The following PRICKLE1 variants were observed in gnomAD, a reference collection of about 807,000 sequenced individuals.
The protein encoded by PRICKLE1 is prickle-like protein 1.
PRICKLE1 carries 14 observed loss-of-function variants against 70.2 expected under a neutral mutation model. The observed-to-expected ratio is 0.20, with a 90% CI of 0.13 to 0.31. The LOEUF is 0.31. Among genes scored for constraint, PRICKLE1 ranks in the 10% least tolerant of loss-of-function variants. The probability of loss-of-function intolerance (pLI) is 1.00; values close to 1 mark genes in which losing one functional copy is unlikely to be tolerated. For synonymous variants in PRICKLE1, 357 were observed against 379.9 expected, an observed-to-expected ratio of 0.94 and a Z score of 0.70; for missense variants, 821 against 1,026.2, an observed-to-expected ratio of 0.80 and a Z score of 2.73.
At chr12:42,545,927 C>A (rs1940202435) in intron 1 of PRICKLE1, among the ~76,000 whole-genome samples, 1 of 149,906 alleles carries the variant, frequency 6.7e-6, no homozygotes, top group Non-Finnish European at 1.5e-5. Context: ...GAGGGAGATT[C>A]TTGAAAGTTA....
At chr12:42,550,871 C>T (rs535295732) in intron 1 of PRICKLE1, among the ~76,000 whole-genome samples, 1 of 152,196 alleles carries the variant, frequency 6.6e-6, no homozygotes, top group African/African-American at 2.4e-5. Flanking sequence ...AACAGGGTGA[C>T]ACACAGATTC....
At chr12:42,516,816 C>T (rs1360311364) in intron 1 of PRICKLE1, among the ~76,000 whole-genome samples, 3 of 152,152 alleles carry the variant, frequency 2.0e-5, no homozygotes, top group Non-Finnish European at 4.4e-5. Flanking sequence ...CATGCACCCA[C>T]ACCCCCTCTC....
intron 1 of PRICKLE1, among the ~76,000 whole-genome samples, chr12:42,477,698 C>T (rs1400323127): frequency 2.0e-5 from 3 of 151,680 alleles, no homozygotes; most frequent in Non-Finnish European, 4.4e-5. Context: ...GCCAAAACAT[C>T]ATGCTTTAAG....
intron 1 of PRICKLE1, among the ~76,000 whole-genome samples, chr12:42,501,558 A>G (rs1293427505): frequency 6.6e-6 from 1 of 151,282 alleles, no homozygotes; most frequent in Non-Finnish European, 1.5e-5. Flanking sequence ...GCAAATTCCT[A>G]TACAAGCAAC....
At position 42,460,256 on chromosome 12, in the gene PRICKLE1, G is replaced by A. The variant is rs1228564687; in HGVS notation, c.2049C>T (p.Ser683=). The A allele has an allele frequency of 6.2e-7, 1 of 1,614,088 alleles. No homozygotes were observed. Among genetic ancestry groups the A allele is most frequent in the Non-Finnish European group, 8.5e-7 (1 of 1,180,024 alleles). The change falls in exon 8 of 8, where the codon TCC becomes TCT. Residue 683 remains serine, a synonymous_variant. Transcript: ENST00000345127. ...CTGTAACAAGATTCAGGGCATTGTC[G>A]GAGCGGGACTTTCTACTTCTCCGGC... The part of the protein sequence containing the change: ...HRRRRSRKSR[S]DNALNLVTER...
At chr12:42,480,287 GAA>G (rs1938746915) in intron 1 of PRICKLE1, among the ~76,000 whole-genome samples, 1 of 152,106 alleles carries the variant, frequency 6.6e-6, no homozygotes, top group South Asian at 2.1e-4. Flanking sequence ...ACCATTCTTT[GAA>G]AAAGTTTGTC....
At chr12:42,526,720 C>A (rs35488482) in intron 1 of PRICKLE1, among the ~76,000 whole-genome samples, 6,209 of 148,486 alleles carry the variant, frequency 0.042, 164 homozygotes, top group South Asian at 0.085. Context: ...GTGACCATGG[C>A]CACTGTTCCC....
At chr12:42,573,563 G>GTAT (rs745830264) in intron 1 of PRICKLE1, among the ~76,000 whole-genome samples, 67 of 151,764 alleles carry the variant, frequency 4.4e-4, no homozygotes, top group African/African-American at 8.0e-4. Context: ...GATTCTTTTT[G>GTAT]TATTATTATT....
At chr12:42,582,710 G>C (rs114285587) in intron 1 of PRICKLE1, among the ~76,000 whole-genome samples, 1 of 152,300 alleles carries the variant, frequency 6.6e-6, no homozygotes, top group Non-Finnish European at 1.5e-5. Flanking sequence ...AAGCTTGTCC[G>C]ACCCACGGAC....
intron 1 of PRICKLE1, among the ~76,000 whole-genome samples, chr12:42,499,710 C>T (rs1330696303): frequency 6.7e-6 from 1 of 149,362 alleles, no homozygotes; most frequent in East Asian, 2.0e-4. Flanking sequence ...TATGAGCCAC[C>T]GTGTCTGGCC....
At chr12:42,566,696 C>G (rs1266548270) in intron 1 of PRICKLE1, among the ~76,000 whole-genome samples, 3 of 152,168 alleles carry the variant, frequency 2.0e-5, no homozygotes, top group East Asian at 1.9e-4. Context: ...CTCTCTTTCT[C>G]TCTCCCTTCC....
At chr12:42,552,840 G>A (rs866687709) in intron 1 of PRICKLE1, among the ~76,000 whole-genome samples, 16 of 152,240 alleles carry the variant, frequency 1.1e-4, no homozygotes, top group Admixed American at 6.5e-4. Context: ...TGGAAGACAC[G>A]GAGGTGGAGT....
rs544704678 is a variant in PRICKLE1 at position 42,513,841 on chromosome 12, C to T, written c.-48-41277G>A. On this transcript the variant is annotated intron_variant, in intron 1 of 7. Transcript: ENST00000345127. ...TGAAACCTCGTCTCTACTAAAAATA[C>T]AAAAAATTAGCCAGGCGTGGTGGTG... 1.7e-3 allele frequency among the ~76,000 whole-genome samples: 264 copies of T among 151,986 alleles called. 2 individuals carry two copies. Among genetic ancestry groups the T allele is most frequent in the African/African-American group, 5.3e-3 (218 of 41,446 alleles).
Position 42,459,586 on chromosome 12 carries a change from G to T in PRICKLE1, c.*223C>A. The T allele has an allele frequency of 1.6e-6, 1 of 640,440 alleles. No individual in the cohort carries two copies. The highest frequency in any genetic ancestry group is 2.7e-6 in the Non-Finnish European group (1 of 365,832). 39.7% of individuals were successfully genotyped at this position (640,440 alleles called of 1,614,324 possible). ...ATCTGTAACGCACCCGCACCGGACA[G>T]GCACGAGATGTCACGTCCACCTGGC... On this transcript the variant is annotated 3_prime_UTR_variant, in exon 8 of 8. Transcript: ENST00000345127.
chr12:42,561,244 T>G (rs892533049), intron 1 of PRICKLE1, among the ~76,000 whole-genome samples: 1 of 152,210 alleles, frequency 6.6e-6, no homozygotes, highest in African/African-American at 2.4e-5. Context: ...GTTGTGTGTG[T>G]TGCAAGCGAA....
intron 1 of PRICKLE1, among the ~76,000 whole-genome samples, chr12:42,490,246 A>AT (rs1312551203): frequency 6.6e-6 from 1 of 152,204 alleles, no homozygotes; most frequent in African/African-American, 2.4e-5. Context: ...TTTGAGCTGC[A>AT]TTTTTAAGGA....
chr12:42,578,258 CTTAGAGGA>C (rs1011980524), intron 1 of PRICKLE1, among the ~76,000 whole-genome samples: 1 of 152,240 alleles, frequency 6.6e-6, no homozygotes, highest in Admixed American at 6.5e-5. Context: ...GTTGAAATCA[CTTAGAGGA>C]TTAGCTTTTC....
chr12:42,557,813 G>T (rs1227575829), intron 1 of PRICKLE1, among the ~76,000 whole-genome samples: 1 of 152,104 alleles, frequency 6.6e-6, no homozygotes, highest in African/African-American at 2.4e-5. Flanking sequence ...TGTGTAAAAG[G>T]CTCCTCAAAC....
At chr12:42,467,177 G>A (rs879320788) in intron 5 of PRICKLE1, among the ~76,000 whole-genome samples, 5 of 151,892 alleles carry the variant, frequency 3.3e-5, no homozygotes, top group East Asian at 1.9e-4. Context: ...GTGCAATGGC[G>A]TGACCTCGGC....
Sources: gnomAD v4.1 joint callset for allele counts (sites outside exome capture counted in the v4.1 genomes callset) on GRCh38, gnomAD v4.1.1 for gene constraint, MANE v1.5 for transcripts, NCBI Gene and HGNC (gene_info 2026-07-23, HGNC 2026-07-21) for gene names.